XKR9: variants seen among roughly 807,000 people sequenced by gnomAD.
The protein encoded by XKR9 is XK related 9.
Under a neutral mutation model 32.0 loss-of-function variants are expected in XKR9, and 32 were observed. The ratio of observed to expected loss-of-function variants is 1.00; its 90% confidence interval spans 0.76 to 1.34. The LOEUF is 1.34. XKR9 is among the 40% of genes most tolerant of loss of function. XKR9 has a pLI of 0.00. For synonymous variants in XKR9, 168 were observed against 143.4 expected (o/e 1.17, Z -1.22); for missense variants, 546 against 429.7 (o/e 1.27, Z -2.39).
At chr8:71,063,068 TGG>T in the XKR9 span, among the ~76,000 whole-genome samples, 2 of 152,210 alleles carry the variant, frequency 1.3e-5, no homozygotes, top group African/African-American at 2.4e-5. Context: ...TCCTGTAACT[TGG>T]TTTAGCATCT....
intron 2 of XKR9, among the ~76,000 whole-genome samples, chr8:70,755,085 A>G (rs1286526404): frequency 6.6e-6 from 1 of 152,254 alleles, no homozygotes; most frequent in African/African-American, 2.4e-5. Context: ...CAACCCCATC[A>G]AAAAGTGGCA....
intron 2 of XKR9, among the ~76,000 whole-genome samples, chr8:70,752,319 G>C (rs1030793026): frequency 6.6e-6 from 1 of 152,190 alleles, no homozygotes; most frequent in African/African-American, 2.4e-5. Context: ...TTGGTAATTT[G>C]TAAAGGAAAG....
the XKR9 span, among the ~76,000 whole-genome samples, chr8:70,953,141 T>G: frequency 6.6e-6 from 1 of 152,200 alleles, no homozygotes. Context: ...GCATTTTTCT[T>G]CCTTCAACTA....
chr8:70,760,969 T>C (rs1807300927), intron 2 of XKR9, among the ~76,000 whole-genome samples: 1 of 152,178 alleles, frequency 6.6e-6, no homozygotes, highest in Non-Finnish European at 1.5e-5. Context: ...CAGTATTTGG[T>C]TTTCTGTTGC....
At chr8:71,043,359 A>C in the XKR9 span, among the ~76,000 whole-genome samples, 1 of 152,342 alleles carries the variant, frequency 6.6e-6, no homozygotes, top group South Asian at 2.1e-4. Context: ...AAAATGTCCA[A>C]TTCTGAGTTG....
downstream of XKR9, among the ~76,000 whole-genome samples, chr8:70,739,725 T>A (rs538400234): frequency 6.6e-6 from 1 of 152,120 alleles, no homozygotes; most frequent in Admixed American, 6.5e-5. Flanking sequence ...CTTCACTTAT[T>A]AAGCTTAGTT....
chr8:70,873,157 C>T, the XKR9 span, among the ~76,000 whole-genome samples: 2 of 152,158 alleles, frequency 1.3e-5, no homozygotes, highest in Admixed American at 1.3e-4. Context: ...GATAAAGATT[C>T]CTCTCAAAAG....
the XKR9 span, among the ~76,000 whole-genome samples, chr8:70,901,692 T>C: frequency 1.3e-5 from 2 of 152,218 alleles, no homozygotes; most frequent in African/African-American, 4.8e-5. Flanking sequence ...ATTTTGTCTT[T>C]TGTTGCCATT....
the XKR9 span, among the ~76,000 whole-genome samples, chr8:71,025,495 C>G: frequency 3.3e-4 from 50 of 152,300 alleles, no homozygotes; most frequent in Non-Finnish European, 6.3e-4. Context: ...AATTCAAAAG[C>G]TGTCTCTATT....
chr8:70,721,998 A>G (rs1196180402), intron 4 of XKR9, among the ~76,000 whole-genome samples: 2 of 152,180 alleles, frequency 1.3e-5, no homozygotes, highest in Non-Finnish European at 2.9e-5. Context: ...GGGTGCATAT[A>G]TATTTAGGAT....
the XKR9 span, among the ~76,000 whole-genome samples, chr8:70,886,733 GT>G: frequency 2.3e-4 from 34 of 147,466 alleles, 1 homozygote; most frequent in African/African-American, 5.9e-4. Flanking sequence ...ACTTTTTGAT[GT>G]TTTTTTTTTC....
At chr8:70,909,834 A>G in the XKR9 span, among the ~76,000 whole-genome samples, 2 of 148,956 alleles carry the variant, frequency 1.3e-5, no homozygotes, top group Non-Finnish European at 3.0e-5. Flanking sequence ...TCAGCCTCCC[A>G]AGTAGCTGGG....
At chr8:71,025,824 G>T in the XKR9 span, among the ~76,000 whole-genome samples, 1 of 152,104 alleles carries the variant, frequency 6.6e-6, no homozygotes, top group South Asian at 2.1e-4. Context: ...TAACTCTAAT[G>T]ATCTTTTCTG....
the XKR9 span, among the ~76,000 whole-genome samples, chr8:70,885,319 A>T: frequency 6.6e-6 from 1 of 152,132 alleles, no homozygotes; most frequent in Non-Finnish European, 1.5e-5. Context: ...TTCCAGTGCA[A>T]TGACTTATGG....
At chr8:70,855,175 A>C in the XKR9 span, among the ~76,000 whole-genome samples, 1 of 152,034 alleles carries the variant, frequency 6.6e-6, no homozygotes, top group African/African-American at 2.4e-5. Flanking sequence ...TGATCAAACT[A>C]CTCCGAGGTA....
At chr8:70,978,178 CT>C in the XKR9 span, among the ~76,000 whole-genome samples, 1 of 152,142 alleles carries the variant, frequency 6.6e-6, no homozygotes, top group East Asian at 1.9e-4. Flanking sequence ...TGGGTCTTGA[CT>C]CTTTATCCAA....
intron 1 of XKR9, among the ~76,000 whole-genome samples, chr8:70,673,284 C>G (rs1818777415): frequency 6.6e-6 from 1 of 152,198 alleles, no homozygotes; most frequent in South Asian, 2.1e-4. Context: ...ATTAAACTTT[C>G]ACTTGCACTT....
At chr8:70,872,763 C>T in the XKR9 span, among the ~76,000 whole-genome samples, 19 of 152,168 alleles carry the variant, frequency 1.2e-4, no homozygotes, top group East Asian at 3.9e-4. Context: ...CAGGTGCAAG[C>T]GATTCTCCTG....
chr8:71,037,511 C>A, the XKR9 span, among the ~76,000 whole-genome samples: 1 of 152,122 alleles, frequency 6.6e-6, no homozygotes, highest in Non-Finnish European at 1.5e-5. Context: ...GGAATCATGC[C>A]TCCTATTCCA....
Sources: allele counts gnomAD v4.1 joint callset (sites outside exome capture counted in the v4.1 genomes callset), GRCh38; gene constraint gnomAD v4.1.1; transcripts MANE v1.5; gene names NCBI Gene and HGNC (gene_info 2026-07-23, HGNC 2026-07-21).